CLDN10: variants seen among roughly 807,000 people sequenced by gnomAD.
CLDN10 encodes the protein claudin-10.
A neutral mutation model predicts 22.9 loss-of-function variants in CLDN10; 15 were observed. The observed-to-expected ratio is 0.65, with a 90% CI of 0.44 to 1.01. The LOEUF is 1.01. CLDN10 is among the 50% of genes least tolerant of loss of function. The probability of loss-of-function intolerance (pLI) is 0.00; values close to 1 mark genes in which losing one functional copy is unlikely to be tolerated. For missense variants in CLDN10, 247 were observed against 287.8 expected (o/e 0.86, Z 1.03); for synonymous variants, 114 against 111.4 (o/e 1.02, Z -0.15).
At chr13:95,471,372 G>GTGTA (rs1555289778) in intron 1 of CLDN10, among the ~76,000 whole-genome samples, 10 of 147,832 alleles carry the variant, frequency 6.8e-5, no homozygotes, top group South Asian at 4.3e-4. Context: ...GTGTGTGTGT[G>GTGTA]TATATATATA....
intron 3 of CLDN10, among the ~76,000 whole-genome samples, chr13:95,570,860 A>G (rs56143628): frequency 0.018 from 576 of 32,656 alleles, 6 homozygotes; most frequent in South Asian, 0.11. Context: ...ATACGTGTGT[A>G]TATATATATA....
At chr13:95,466,876 C>CTTTTTTT (rs1312550565) in intron 1 of CLDN10, among the ~76,000 whole-genome samples, 1 of 136,890 alleles carries the variant, frequency 7.3e-6, no homozygotes, top group Non-Finnish European at 1.6e-5. Context: ...ACCCCCTCTA[C>CTTTTTTT]TTTTTTTTTT....
intron 3 of CLDN10, among the ~76,000 whole-genome samples, chr13:95,568,757 T>G (rs1035256180): frequency 2.0e-5 from 3 of 152,186 alleles, no homozygotes; most frequent in African/African-American, 7.2e-5. Flanking sequence ...GCAAGGATGG[T>G]AAATCTGCAG....
chr13:95,545,271 C>T (rs973943204), intron 1 of CLDN10, among the ~76,000 whole-genome samples: 3 of 151,794 alleles, frequency 2.0e-5, no homozygotes, highest in African/African-American at 7.3e-5. Flanking sequence ...AGTCCAGGCA[C>T]GGTGGCTCAC....
intron 1 of CLDN10, among the ~76,000 whole-genome samples, chr13:95,451,472 C>G (rs2042431072): frequency 6.6e-6 from 1 of 152,144 alleles, no homozygotes; most frequent in Non-Finnish European, 1.5e-5. Flanking sequence ...GCTCTGTCAC[C>G]CAGGCTAGGG....
chr13:95,438,051 T>C (rs187175543), intron 1 of CLDN10, among the ~76,000 whole-genome samples: 3 of 152,186 alleles, frequency 2.0e-5, no homozygotes, highest in African/African-American at 7.2e-5. Flanking sequence ...TCTTTTCTTC[T>C]GTTTTTAATT....
At chr13:95,449,485 A>G (rs2042412409) in intron 1 of CLDN10, among the ~76,000 whole-genome samples, 1 of 152,106 alleles carries the variant, frequency 6.6e-6, no homozygotes, top group Non-Finnish European at 1.5e-5. Flanking sequence ...TCCTGACCTC[A>G]AGTGATCCTC....
intron 1 of CLDN10, among the ~76,000 whole-genome samples, chr13:95,505,033 G>C (rs1013398864): frequency 6.6e-6 from 1 of 152,186 alleles, no homozygotes; most frequent in Non-Finnish European, 1.5e-5. Context: ...CAGGGAATTA[G>C]GGTAATAGCC....
chr13:95,526,152 A>C (rs2043278779), intron 1 of CLDN10, among the ~76,000 whole-genome samples: 2 of 151,960 alleles, frequency 1.3e-5, no homozygotes, highest in South Asian at 2.1e-4. Flanking sequence ...AATGTTCTTT[A>C]GCTGTGCTTA....
At chr13:95,519,181 A>G (rs1335664754) in intron 1 of CLDN10, among the ~76,000 whole-genome samples, 4 of 152,192 alleles carry the variant, frequency 2.6e-5, no homozygotes, top group Non-Finnish European at 5.9e-5. Flanking sequence ...AATTGAATTT[A>G]CTTGCAGATA....
chr13:95,518,879 G>A (rs970927016), intron 1 of CLDN10, among the ~76,000 whole-genome samples: 4 of 152,210 alleles, frequency 2.6e-5, no homozygotes, highest in East Asian at 1.9e-4. Context: ...TGTGATCAGC[G>A]CTATAGAATA....
chr13:95,500,715 G>A (rs568526327), intron 1 of CLDN10, among the ~76,000 whole-genome samples: 1 of 152,242 alleles, frequency 6.6e-6, no homozygotes, highest in Non-Finnish European at 1.5e-5. Context: ...TTGGAGAGGT[G>A]GGTTGGGGCA....
intron 1 of CLDN10, among the ~76,000 whole-genome samples, chr13:95,516,135 T>C (rs535198789): frequency 3.9e-5 from 6 of 152,064 alleles, no homozygotes; most frequent in Admixed American, 3.9e-4. Flanking sequence ...TGTGCTAAAA[T>C]ATTTAAGTAA....
At chr13:95,516,109 T>A (rs547514823) in intron 1 of CLDN10, among the ~76,000 whole-genome samples, 157 of 152,016 alleles carry the variant, frequency 1.0e-3, no homozygotes, top group Non-Finnish European at 1.5e-3. Flanking sequence ...ATGTCCTTTA[T>A]AATTTCAAAA....
intron 1 of CLDN10, among the ~76,000 whole-genome samples, chr13:95,537,283 G>T (rs553477860): frequency 2.6e-5 from 4 of 152,058 alleles, no homozygotes; most frequent in African/African-American, 4.8e-5. Flanking sequence ...ATCAGTTTTG[G>T]GGGGGTTGTT....
chr13:95,560,312 C>T lies in CLDN10; in HGVS notation c.382+19C>T. 3.7e-6 allele frequency: 6 copies of T among 1,613,670 alleles called. No individual in the cohort carries two copies. The highest frequency in any genetic ancestry group is 2.2e-5 in the South Asian group (2 of 91,050). ...CTGTCAGGTAAATAGTAACTTTCTT[C>T]CAAACAAGGTACTTGATGATGTTAA... On this transcript the variant is annotated intron_variant, in intron 2 of 4. Transcript: ENST00000299339.
chr13:95,467,329 C>A (rs2042590331), intron 1 of CLDN10, among the ~76,000 whole-genome samples: 1 of 151,966 alleles, frequency 6.6e-6, no homozygotes, highest in South Asian at 2.1e-4. Flanking sequence ...GTCATTGCAT[C>A]CAAAAAAAAT....
chr13:95,523,514 A>G (rs930706698), intron 1 of CLDN10, among the ~76,000 whole-genome samples: 1 of 152,228 alleles, frequency 6.6e-6, no homozygotes, highest in Non-Finnish European at 1.5e-5. Flanking sequence ...TGAAAAGATC[A>G]GGTAAATATT....
At chr13:95,508,232 AACTAC>A (rs2043058544) in intron 1 of CLDN10, among the ~76,000 whole-genome samples, 1 of 152,122 alleles carries the variant, frequency 6.6e-6, no homozygotes, top group Non-Finnish European at 1.5e-5. Flanking sequence ...CATTCCCTAA[AACTAC>A]CTAATATAAG....
Sources: gnomAD v4.1 joint callset for allele counts (sites outside exome capture counted in the v4.1 genomes callset) on GRCh38, gnomAD v4.1.1 for gene constraint, MANE v1.5 for transcripts, NCBI Gene and HGNC (gene_info 2026-07-23, HGNC 2026-07-21) for gene names.